Variants in NETO2 observed in about 807,000 individuals in gnomAD.
NETO2 encodes the protein neuropilin and tolloid-like protein 2.
Under a neutral mutation model 62.5 loss-of-function variants are expected in NETO2, and 28 were observed. The observed-to-expected ratio is 0.45, with a 90% CI of 0.33 to 0.61. The LOEUF (loss-of-function observed/expected upper bound fraction) is 0.61, where lower values mean the gene tolerates loss of function less well. Among genes scored for constraint, NETO2 ranks in the 20% least tolerant of loss-of-function variants. The pLI, the probability that NETO2 is intolerant of heterozygous loss-of-function variation, is 0.02. For missense variants in NETO2, 548 were observed against 643.2 expected (o/e 0.85, Z 1.60); for synonymous variants, 214 against 219.1 (o/e 0.98, Z 0.21).
chr16:47,107,399 T>C (rs1034436059), intron 7 of NETO2, among the ~76,000 whole-genome samples: 4 of 152,192 alleles, frequency 2.6e-5, no homozygotes, highest in African/African-American at 9.7e-5. Flanking sequence ...GAAAACAGTA[T>C]CTTGACAGTA....
At chr16:47,119,954 T>A (rs982695362) in intron 6 of NETO2, among the ~76,000 whole-genome samples, 5 of 152,226 alleles carry the variant, frequency 3.3e-5, no homozygotes, top group African/African-American at 1.2e-4. Flanking sequence ...GAATGCCTAT[T>A]TTCTGGATGT....
At chr16:47,138,830 C>T (rs764746374) in intron 1 of NETO2, among the ~76,000 whole-genome samples, 2 of 152,304 alleles carry the variant, frequency 1.3e-5, no homozygotes, top group Admixed American at 6.5e-5. Context: ...CTGGAGCCTG[C>T]GTGTCTCTCT....
intron 7 of NETO2, among the ~76,000 whole-genome samples, chr16:47,108,028 G>A (rs937897580): frequency 3.3e-5 from 5 of 151,886 alleles, no homozygotes; most frequent in Admixed American, 2.6e-4. Context: ...CTGCCGCCTC[G>A]GCCTCCCAAA....
intron 6 of NETO2, among the ~76,000 whole-genome samples, chr16:47,110,028 G>A (rs1567388580): frequency 6.6e-6 from 1 of 152,092 alleles, no homozygotes; most frequent in East Asian, 1.9e-4. Context: ...GGACAGGGGA[G>A]AAAATAAAAT....
intron 3 of NETO2, among the ~76,000 whole-genome samples, chr16:47,129,002 G>A (rs1045894104): frequency 6.6e-6 from 1 of 152,154 alleles, no homozygotes; most frequent in Non-Finnish European, 1.5e-5. Context: ...ACATACTAAT[G>A]TACGTAGTTG....
At chr16:47,090,449 A>C (rs1963288940) in intron 7 of NETO2, among the ~76,000 whole-genome samples, 1 of 152,226 alleles carries the variant, frequency 6.6e-6, no homozygotes, top group Non-Finnish European at 1.5e-5. Flanking sequence ...AAAATGATTG[A>C]ACTATAAGTC....
At chr16:47,110,368 T>A (rs1440363485) in intron 6 of NETO2, among the ~76,000 whole-genome samples, 1 of 152,174 alleles carries the variant, frequency 6.6e-6, no homozygotes, top group African/African-American at 2.4e-5. Context: ...AGCTAAATGG[T>A]TCTAAGTTAT....
rs1383217549 is a variant in NETO2, at chr16:47,132,021, C to A, written c.39G>T (p.Leu13Phe). The change falls in exon 2 of 9, where the codon TTG (leucine) becomes TTT (phenylalanine). Residue 13 changes from leucine (L) to phenylalanine (F), a missense_variant. Coordinates refer to ENST00000562435, the MANE Select transcript of NETO2 (RefSeq NM_018092.5). ...CTTCCACTACCAGTACTGTTATTAACAACACTAGAGAAATAACAGAGAAGA... is the reference window on the plus strand; with the variant it reads ...CTTCCACTACCAGTACTGTTATTAAAAACACTAGAGAAATAACAGAGAAGA... ...LERLCSVLKV[L>F]LITVLVVEGI... 1 of 1,610,290 alleles carries A rather than the reference C, an allele frequency of 6.2e-7. No individual in the cohort carries two copies. Among genetic ancestry groups the A allele is most frequent in the Non-Finnish European group, 8.5e-7 (1 of 1,177,260 alleles).
At chr16:47,100,095 A>G (rs1963510348) in intron 7 of NETO2, among the ~76,000 whole-genome samples, 1 of 152,222 alleles carries the variant, frequency 6.6e-6, no homozygotes, top group Non-Finnish European at 1.5e-5. Flanking sequence ...AAGAACAGAA[A>G]TCATAACAAA....
chr16:47,118,909 C>CA (rs1365153921), intron 6 of NETO2, among the ~76,000 whole-genome samples: 1 of 152,100 alleles, frequency 6.6e-6, no homozygotes, highest in Non-Finnish European at 1.5e-5. Context: ...CTTCTGTCAT[C>CA]AGTTCCCTCC....
At chr16:47,124,922 C>T (rs997377949) in intron 4 of NETO2, among the ~76,000 whole-genome samples, 1 of 152,168 alleles carries the variant, frequency 6.6e-6, no homozygotes, top group African/African-American at 2.4e-5. Context: ...TTTTATTATA[C>T]TTTGTCTATA....
intron 7 of NETO2, among the ~76,000 whole-genome samples, chr16:47,098,796 C>T: frequency 6.6e-6 from 1 of 152,160 alleles, no homozygotes; most frequent in East Asian, 1.9e-4. Flanking sequence ...GGGTTACCCA[C>T]AAAGGGAAGC....
chr16:47,128,145 A>G (rs1373530179), intron 4 of NETO2, among the ~76,000 whole-genome samples, 180 bp downstream of exon 4: 2 of 152,230 alleles, frequency 1.3e-5, no homozygotes, highest in Admixed American at 6.5e-5. Flanking sequence ...ATACGTTTCT[A>G]TGTCCAATTT....
intron 1 of NETO2, among the ~76,000 whole-genome samples, chr16:47,143,295 G>T (rs1017702631): frequency 2.0e-5 from 3 of 151,994 alleles, no homozygotes; most frequent in Non-Finnish European, 4.4e-5. Context: ...GCCCTGCTGG[G>T]CCCAGGGGCC....
intron 6 of NETO2, among the ~76,000 whole-genome samples, chr16:47,116,202 C>A (rs1366831967): frequency 6.7e-6 from 1 of 148,662 alleles, no homozygotes; most frequent in Non-Finnish European, 1.5e-5. Context: ...TGGCCTTGAA[C>A]TCCTGAGCTC....
At chr16:47,142,770 A>G (rs1020910513) in intron 1 of NETO2, among the ~76,000 whole-genome samples, 11 of 152,232 alleles carry the variant, frequency 7.2e-5, no homozygotes, top group African/African-American at 2.7e-4. Context: ...ATTTTCATCT[A>G]AATTACCACC....
At chr16:47,133,604 CATAAAATAAAATAAAATAAA>C (rs138640228) in intron 1 of NETO2, among the ~76,000 whole-genome samples, 2,372 of 135,808 alleles carry the variant, frequency 0.017, 63 homozygotes, top group African/African-American at 0.058. Context: ...AATGACATAA[CATAAAATAAAATAAAATAAA>C]ATAAAATAAA....
chr16:47,082,919 A>T lies in NETO2; in HGVS notation c.*302T>A, dbSNP rs1963097757. 7.0e-6 allele frequency: 2 copies of T among 286,092 alleles called. No individual in the cohort carries two copies. The highest frequency in any genetic ancestry group is 1.3e-5 in the Non-Finnish European group (2 of 154,754). The allele number at this position is 286,092 out of a possible 1,614,324, so 17.7% of individuals were successfully genotyped here. On this transcript the variant is annotated 3_prime_UTR_variant, in exon 9 of 9. Transcript: ENST00000562435. ...CTTCTTGTTGCTAAAACGAAGAGGC[A>T]GCCTGAGCCTGGCTCCATCCAACCA...
At chr16:47,098,691 C>A (rs2143849366) in intron 7 of NETO2, among the ~76,000 whole-genome samples, 1 of 152,218 alleles carries the variant, frequency 6.6e-6, no homozygotes, top group Non-Finnish European at 1.5e-5. Flanking sequence ...CACAAAGATA[C>A]TCCTTGAGAA....
Sources: gnomAD v4.1 joint callset for allele counts (sites outside exome capture counted in the v4.1 genomes callset) on GRCh38, gnomAD v4.1.1 for gene constraint, MANE v1.5 for transcripts, NCBI Gene and HGNC (gene_info 2026-07-23, HGNC 2026-07-21) for gene names.